PRMT3: variants seen among roughly 807,000 people sequenced by gnomAD.
PRMT3 encodes the protein protein arginine methyltransferase 3.
Under a neutral mutation model 71.9 loss-of-function variants are expected in PRMT3, and 62 were observed. The observed-to-expected ratio is 0.86, with a 90% CI of 0.70 to 1.07. The LOEUF is 1.07. Ranked by LOEUF, PRMT3 falls within the 50% of genes least tolerant of loss-of-function variation. The probability of loss-of-function intolerance (pLI) is 0.00; values close to 1 mark genes in which losing one functional copy is unlikely to be tolerated. For synonymous variants in PRMT3, 213 were observed against 220.4 expected (o/e 0.97, Z 0.30); for missense variants, 663 against 643.0 (o/e 1.03, Z -0.34).
chr11:20,426,856 T>C lies in PRMT3; in HGVS notation c.984T>C (p.Ser328=). ...LPVEKVDVII[S]EWMGYFLLFE... is the part of the protein sequence containing the mutation. ...TAGAAAAAGTAGATGTTATCATATC[T>C]GAGTGGATGGTGAGTGTTTATAGAA... The change falls in exon 10 of 16, where the codon TCT becomes TCC. Residue 328 remains serine, a synonymous_variant. Transcript: ENST00000331079. The C allele has an allele frequency of 2.0e-6, 3 of 1,530,880 alleles. No individual in the cohort carries two copies. Among genetic ancestry groups the C allele is most frequent in the Non-Finnish European group, 2.6e-6 (3 of 1,151,478 alleles). 94.8% of individuals were successfully genotyped at this position (1,530,880 alleles called of 1,614,324 possible).
intron 13 of PRMT3, among the ~76,000 whole-genome samples, chr11:20,474,080 G>A (rs1231070110): frequency 1.3e-5 from 2 of 152,146 alleles, no homozygotes. Context: ...TCCCTGCAGG[G>A]TACTGACCTG....
At chr11:20,407,347 A>G (rs1459091002) in intron 8 of PRMT3, 4 of 152,228 alleles carry the variant, frequency 2.6e-5, no homozygotes, top group Admixed American at 2.6e-4. Context: ...GAGGTACTAT[A>G]ACTGTACTGG....
At chr11:20,481,338 A>T (rs546971342) in intron 13 of PRMT3, among the ~76,000 whole-genome samples, 1 of 151,930 alleles carries the variant, frequency 6.6e-6, no homozygotes, top group East Asian at 1.9e-4. Flanking sequence ...AATTGTGAAC[A>T]TGTGCCCCAA....
Position 20,443,350 on chromosome 11 carries a change from T to C in PRMT3, c.994-8780T>C, listed in dbSNP as rs80303321. On this transcript the variant is annotated intron_variant, in intron 10 of 15. Coordinates refer to ENST00000331079, the MANE Select transcript of PRMT3 (RefSeq NM_005788.4). ...TAAATTCACATTTGCTCTGTAGATA[T>C]ATTTGTTTGTCCCAGCTCTGTTATT... Among the ~76,000 whole-genome samples the C allele has an allele frequency of 2.8e-3, 424 of 152,296 alleles. 1 individual carries two copies. Among genetic ancestry groups the C allele is most frequent in the African/African-American group, 8.8e-3 (364 of 41,564 alleles).
chr11:20,470,617 A>G (rs1057411125), intron 13 of PRMT3, among the ~76,000 whole-genome samples: 1 of 152,158 alleles, frequency 6.6e-6, no homozygotes, highest in Non-Finnish European at 1.5e-5. Context: ...TATATGTACC[A>G]CATTTTCTTT....
chr11:20,504,590 G>A (rs955539244), intron 15 of PRMT3, among the ~76,000 whole-genome samples: 4 of 152,068 alleles, frequency 2.6e-5, no homozygotes, highest in Admixed American at 1.3e-4. Context: ...TTTCACTCAC[G>A]AGAGAGTGGG....
intron 7 of PRMT3, among the ~76,000 whole-genome samples, chr11:20,398,442 A>G (rs1848878412): frequency 6.6e-6 from 1 of 152,032 alleles, no homozygotes; most frequent in African/African-American, 2.4e-5. Context: ...CCATGAGACT[A>G]TAATGCCATA....
intron 11 of PRMT3, among the ~76,000 whole-genome samples, chr11:20,455,665 G>T (rs1565220042): frequency 6.6e-6 from 1 of 151,170 alleles, no homozygotes; most frequent in Non-Finnish European, 1.5e-5. Context: ...CAGGATGGGG[G>T]GTAGCAGAAG....
At chr11:20,388,376 T>C (rs2133289405) in intron 2 of PRMT3, among the ~76,000 whole-genome samples, 1 of 152,338 alleles carries the variant, frequency 6.6e-6, no homozygotes, top group South Asian at 2.1e-4. Context: ...TTTTGACTGG[T>C]AGTGCATTGA....
intron 8 of PRMT3, 36 bp from the exon 9 acceptor site, chr11:20,407,874 CA>C: frequency 6.4e-7 from 1 of 1,557,446 alleles, no homozygotes; most frequent in Non-Finnish European, 8.8e-7. Context: ...TTTTTGATAA[CA>C]TCTGTTTTGT....
intron 13 of PRMT3, among the ~76,000 whole-genome samples, chr11:20,491,198 T>C (rs527442117): frequency 2.0e-5 from 3 of 152,340 alleles, no homozygotes. Context: ...TGCTTTTTTA[T>C]GGTTTCTCTG....
intron 5 of PRMT3, among the ~76,000 whole-genome samples, chr11:20,394,441 G>GT (rs914516891): frequency 1.3e-4 from 19 of 149,500 alleles, no homozygotes; most frequent in East Asian, 3.9e-4. Flanking sequence ...CCTTAGGAAT[G>GT]TTTTTTTTTT....
At chr11:20,392,041 A>G (rs574046818) in intron 3 of PRMT3, among the ~76,000 whole-genome samples, 170 bp from the exon 4 acceptor site, 11 of 152,354 alleles carry the variant, frequency 7.2e-5, no homozygotes, top group African/African-American at 2.4e-4. Context: ...CAAGATATTC[A>G]GAAGTATCAT....
chr11:20,504,263 G>A (rs1565243114), intron 15 of PRMT3, among the ~76,000 whole-genome samples: 3 of 152,064 alleles, frequency 2.0e-5, no homozygotes, highest in Non-Finnish European at 2.9e-5. Context: ...ATCCTTTTCC[G>A]ATTTAATCGC....
chr11:20,506,196 G>A (rs1851586848), intron 15 of PRMT3, among the ~76,000 whole-genome samples: 1 of 152,118 alleles, frequency 6.6e-6, no homozygotes, highest in Non-Finnish European at 1.5e-5. Context: ...CAAAGTAAGT[G>A]TTGAATAAAT....
At chr11:20,508,214 C>T (rs1411752224) in intron 15 of PRMT3, 90 bp from the exon 16 acceptor site, 1 of 554,872 alleles carries the variant, frequency 1.8e-6, no homozygotes, top group Non-Finnish European at 3.1e-6. Context: ...GAAAACATCA[C>T]AATAAAAAGA....
Position 20,389,423 on chromosome 11 carries a change from T to C in PRMT3, c.165-321T>C, listed in dbSNP as rs140132883. 1.8e-4 allele frequency among the ~76,000 whole-genome samples: 27 copies of C among 151,788 alleles called. No individual in the cohort carries two copies. In the East Asian group the frequency reaches 5.2e-3, roughly 29 times the overall value. Reference sequence around the variant, plus strand: ...ATCTCAAGTAGAGAAATTGTATGACTTGAGAGAAACAGACTCTATCAAAGG... The same window carrying C: ...ATCTCAAGTAGAGAAATTGTATGACCTGAGAGAAACAGACTCTATCAAAGG... On this transcript the variant is annotated intron_variant, in intron 2 of 15. Coordinates refer to ENST00000331079, the MANE Select transcript of PRMT3 (RefSeq NM_005788.4).
intron 12 of PRMT3, among the ~76,000 whole-genome samples, chr11:20,463,364 A>T (rs1384774054): frequency 6.6e-6 from 1 of 152,196 alleles, no homozygotes; most frequent in African/African-American, 2.4e-5. Context: ...TACAGTGAGA[A>T]TAAAGAGTTT....
chr11:20,401,912 A>G (rs758169423), intron 7 of PRMT3, among the ~76,000 whole-genome samples: 41 of 152,198 alleles, frequency 2.7e-4, no homozygotes, highest in Non-Finnish European at 5.3e-4. Context: ...AGGCTTTTAA[A>G]CATCATTTCC....
Sources: allele counts gnomAD v4.1 joint callset (sites outside exome capture counted in the v4.1 genomes callset), GRCh38; gene constraint gnomAD v4.1.1; transcripts MANE v1.5; gene names NCBI Gene and HGNC (gene_info 2026-07-23, HGNC 2026-07-21).